Variants in SHANK2 observed in about 807,000 individuals in gnomAD.
SHANK2 encodes SH3 and multiple ankyrin repeat domains 2, also known as SH3 and multiple ankyrin repeat domains protein 2.
A neutral mutation model predicts 133.7 loss-of-function variants in SHANK2; 43 were observed. The observed-to-expected ratio is 0.32, with a 90% CI of 0.25 to 0.41. SHANK2 has a LOEUF of 0.41. Ranked by LOEUF, SHANK2 falls within the 10% of genes least tolerant of loss-of-function variation. The probability of loss-of-function intolerance (pLI) is 1.00; values close to 1 mark genes in which losing one functional copy is unlikely to be tolerated. For missense variants in SHANK2, 1,994 were observed against 2,235.8 expected (o/e 0.89, Z 2.18); for synonymous variants, 1,017 against 952.8 (o/e 1.07, Z -1.24).
At chr11:70,799,217 G>T (rs371836666) in intron 13 of SHANK2, among the ~76,000 whole-genome samples, 1 of 152,068 alleles carries the variant, frequency 6.6e-6, no homozygotes, top group South Asian at 2.1e-4. Context: ...GGCCAACATA[G>T]CCAAACCGCG....
intron 10 of SHANK2, among the ~76,000 whole-genome samples, chr11:70,911,940 G>T (rs1555079092): frequency 6.6e-6 from 1 of 151,756 alleles, no homozygotes; most frequent in African/African-American, 2.4e-5. Context: ...AAATCAGCTG[G>T]GCATGGTGGC....
At position 71,198,138 on chromosome 11, in the gene SHANK2, G is replaced by T. The variant is rs188980237; in HGVS notation, c.-13+26559C>A. On this transcript the variant is annotated intron_variant, in intron 2 of 25. Transcript: ENST00000601538. ...TTAATTAATTTTTTTTTTTAGAGATGGGGTCTCACTATGTTGCCCAGGTTG... is the reference window on the plus strand; with the variant it reads ...TTAATTAATTTTTTTTTTTAGAGATTGGGTCTCACTATGTTGCCCAGGTTG... Among the ~76,000 whole-genome samples, 46 of 152,132 alleles carry T rather than the reference G, an allele frequency of 3.0e-4. 1 individual carries two copies. In the East Asian group the frequency reaches 8.5e-3, roughly 28 times the overall value.
chr11:70,701,262 A>T (rs1346207715), intron 14 of SHANK2, among the ~76,000 whole-genome samples: 1 of 152,194 alleles, frequency 6.6e-6, no homozygotes, highest in Non-Finnish European at 1.5e-5. Context: ...CCCAGACTGG[A>T]GTTTCATGGA....
At chr11:70,875,219 A>T (rs1436929118) in intron 11 of SHANK2, among the ~76,000 whole-genome samples, 1 of 152,158 alleles carries the variant, frequency 6.6e-6, no homozygotes, top group Non-Finnish European at 1.5e-5. Context: ...TTCTCTCCAG[A>T]TGAAGCAATA....
chr11:70,591,556 G>GAA (rs71049925), intron 17 of SHANK2, among the ~76,000 whole-genome samples: 4 of 150,526 alleles, frequency 2.7e-5, no homozygotes, highest in East Asian at 2.0e-4. Context: ...AAAAGAAAAA[G>GAA]AAAAAAAAAG....
At chr11:70,751,391 G>A (rs1368295215) in intron 14 of SHANK2, among the ~76,000 whole-genome samples, 2 of 152,194 alleles carry the variant, frequency 1.3e-5, no homozygotes, top group Admixed American at 1.3e-4. Flanking sequence ...TTAAAATACT[G>A]CAAATGCAGG....
At chr11:70,503,093 G>A (rs2059084589) in intron 17 of SHANK2, among the ~76,000 whole-genome samples, 162 bp from the exon 18 acceptor site, 1 of 152,182 alleles carries the variant, frequency 6.6e-6, no homozygotes, top group Admixed American at 6.5e-5. Context: ...GTGCTTTTGG[G>A]GAAACCAGAA....
At chr11:71,222,414 G>A (rs556054436) in intron 2 of SHANK2, among the ~76,000 whole-genome samples, 2 of 152,148 alleles carry the variant, frequency 1.3e-5, no homozygotes, top group Non-Finnish European at 2.9e-5. Flanking sequence ...GGCAGCTCCC[G>A]AGTGACAAGC....
chr11:71,168,767 C>T (rs542772228), intron 2 of SHANK2, among the ~76,000 whole-genome samples: 2 of 151,802 alleles, frequency 1.3e-5, no homozygotes, highest in Non-Finnish European at 2.9e-5. Context: ...AGCTTCAGCT[C>T]GGCATCAGAG....
At chr11:70,925,625 G>A (rs1268073198) in intron 10 of SHANK2, among the ~76,000 whole-genome samples, 1 of 152,180 alleles carries the variant, frequency 6.6e-6, no homozygotes, top group Non-Finnish European at 1.5e-5. Context: ...TGACTGGTAG[G>A]AGCACCCTAG....
chr11:70,644,742 A>G (rs1358801812), intron 17 of SHANK2, among the ~76,000 whole-genome samples: 1 of 152,238 alleles, frequency 6.6e-6, no homozygotes, highest in African/African-American at 2.4e-5. Context: ...CCACAGTGTC[A>G]CTGAGTCCCA....
intron 14 of SHANK2, among the ~76,000 whole-genome samples, chr11:70,707,295 C>T (rs1466359318): frequency 5.4e-5 from 8 of 149,242 alleles, no homozygotes; most frequent in Non-Finnish European, 1.5e-5. Context: ...TCGCCTGAAC[C>T]CGAGAGGTGG....
At chr11:71,098,693 A>C (rs1951668043) in intron 6 of SHANK2, among the ~76,000 whole-genome samples, 1 of 152,240 alleles carries the variant, frequency 6.6e-6, no homozygotes, top group South Asian at 2.1e-4. Flanking sequence ...CCAGAAAGTG[A>C]GTGCAACCAC....
intron 17 of SHANK2, among the ~76,000 whole-genome samples, chr11:70,649,747 G>T (rs782387560): frequency 1.8e-4 from 28 of 152,208 alleles, no homozygotes; most frequent in Non-Finnish European, 3.5e-4. Context: ...TATGCCTCCT[G>T]CAGCCTTCGC....
At chr11:70,677,772 T>C (rs1555017552) in intron 15 of SHANK2, among the ~76,000 whole-genome samples, 1 of 152,186 alleles carries the variant, frequency 6.6e-6, no homozygotes, top group African/African-American at 2.4e-5. Flanking sequence ...CCACTCCCTC[T>C]CACACTGCTC....
At chr11:70,564,940 G>A (rs541385229) in intron 17 of SHANK2, among the ~76,000 whole-genome samples, 46 of 152,240 alleles carry the variant, frequency 3.0e-4, no homozygotes, top group African/African-American at 1.1e-3. Context: ...TATCTTCTGT[G>A]TCTACATTTA....
intron 17 of SHANK2, among the ~76,000 whole-genome samples, chr11:70,631,526 A>T (rs782354160): frequency 2.0e-5 from 3 of 152,140 alleles, no homozygotes; most frequent in Non-Finnish European, 4.4e-5. Flanking sequence ...CCACTCGGCA[A>T]AGTCCCAGCG....
intron 11 of SHANK2, chr11:70,865,180 T>A (rs1316142507): frequency 6.6e-6 from 1 of 152,126 alleles, no homozygotes; most frequent in Non-Finnish European, 1.5e-5. Flanking sequence ...TCCTTGGAGA[T>A]CCCATGGAGT....
intron 8 of SHANK2, among the ~76,000 whole-genome samples, chr11:71,083,979 T>TGG (rs1223657362): frequency 0.015 from 2,232 of 147,762 alleles, 25 homozygotes; most frequent in Middle Eastern, 0.028. Context: ...AACTTTTTTT[T>TGG]GGGGGGGGGA....
Sources: gnomAD v4.1 joint callset for allele counts (sites outside exome capture counted in the v4.1 genomes callset) on GRCh38, gnomAD v4.1.1 for gene constraint, MANE v1.5 for transcripts, NCBI Gene and HGNC (gene_info 2026-07-23, HGNC 2026-07-21) for gene names.